Variants in IRAK1BP1 observed in about 807,000 individuals in gnomAD.
IRAK1BP1 encodes the protein interleukin-1 receptor-associated kinase 1-binding protein 1.
Under a neutral mutation model 28.0 loss-of-function variants are expected in IRAK1BP1, and 24 were observed. The ratio of observed to expected loss-of-function variants is 0.86; its 90% CI spans 0.62 to 1.20. IRAK1BP1 has a LOEUF of 1.20. Among genes scored for constraint, IRAK1BP1 ranks in the 50% most tolerant of loss-of-function variants. The probability of loss-of-function intolerance (pLI) is 0.00; values close to 1 mark genes in which losing one functional copy is unlikely to be tolerated. For synonymous variants in IRAK1BP1, 131 were observed against 116.3 expected, an observed-to-expected ratio of 1.13 and a Z score of -0.81; for missense variants, 336 against 316.7, an observed-to-expected ratio of 1.06 and a Z score of -0.46.
At chr6:78,877,099 A>AAGCAGACAGGGACAGTTTGG (rs1483453363) in intron 1 of IRAK1BP1, among the ~76,000 whole-genome samples, 32 of 152,206 alleles carry the variant, frequency 2.1e-4, no homozygotes, top group African/African-American at 7.2e-4. Flanking sequence ...AGGATCAGTG[A>AAGCAGACAGGGACAGTTTGG]AGCAGACAGG....
At chr6:78,917,843 A>G (rs1216200771) in intron 4 of IRAK1BP1, among the ~76,000 whole-genome samples, 1 of 152,168 alleles carries the variant, frequency 6.6e-6, no homozygotes, top group Non-Finnish European at 1.5e-5. Context: ...AGTGAAGGAG[A>G]AATAAAATCT....
At chr6:78,970,075 T>C in the IRAK1BP1 span, 1 of 1,613,596 alleles carries the variant, frequency 6.2e-7, no homozygotes. Context: ...CGCCAGTCAG[T>C]TTACCAGTAT....
intron 4 of IRAK1BP1, chr6:78,935,548 T>C: frequency 3.1e-6 from 3 of 963,102 alleles, no homozygotes; most frequent in Non-Finnish European, 3.7e-6. Context: ...GAAGTATTTA[T>C]CACTCATCAC....
chr6:78,957,077 T>C, the IRAK1BP1 span: 1 of 152,094 alleles, frequency 6.6e-6, no homozygotes, highest in Non-Finnish European at 1.5e-5. Flanking sequence ...AAAAATGCCA[T>C]GGATTTATTT....
At chr6:78,916,839 G>GA (rs1389866154) in intron 4 of IRAK1BP1, among the ~76,000 whole-genome samples, 1 of 152,088 alleles carries the variant, frequency 6.6e-6, no homozygotes, top group Non-Finnish European at 1.5e-5. Context: ...AGCTGCTTGG[G>GA]AGGCTGAGGC....
At chr6:78,925,478 G>A (rs567032549) in intron 4 of IRAK1BP1, among the ~76,000 whole-genome samples, 27 of 152,012 alleles carry the variant, frequency 1.8e-4, no homozygotes, top group Admixed American at 1.8e-3. Context: ...AATCAAAACC[G>A]CAATGAAATA....
chr6:78,976,742 A>G, the IRAK1BP1 span, among the ~76,000 whole-genome samples: 4 of 146,994 alleles, frequency 2.7e-5, no homozygotes, highest in African/African-American at 1.0e-4. Flanking sequence ...TCTCAAAAGA[A>G]GACATTTATG....
chr6:78,873,530 T>A (rs1037292378), intron 1 of IRAK1BP1, among the ~76,000 whole-genome samples: 1 of 151,632 alleles, frequency 6.6e-6, no homozygotes, highest in Non-Finnish European at 1.5e-5. Flanking sequence ...CAGTATGGAG[T>A]AGGGTGATTA....
chr6:78,924,473 A>T (rs565642779), intron 4 of IRAK1BP1, among the ~76,000 whole-genome samples: 11 of 152,352 alleles, frequency 7.2e-5, no homozygotes, highest in Non-Finnish European at 1.6e-4. Context: ...TTCACAGCCG[A>T]ATTCTATCAG....
At chr6:78,882,388 TTAA>T (rs1348543857) in intron 1 of IRAK1BP1, among the ~76,000 whole-genome samples, 1 of 152,072 alleles carries the variant, frequency 6.6e-6, no homozygotes, top group Admixed American at 6.6e-5. Context: ...ATGCTTCCAA[TTAA>T]TAAAGTATGG....
intron 2 of IRAK1BP1, among the ~76,000 whole-genome samples, chr6:78,891,865 C>T (rs988446563): frequency 2.6e-5 from 4 of 152,152 alleles, no homozygotes; most frequent in Non-Finnish European, 5.9e-5. Context: ...CCCCTTCTTT[C>T]CCTCTCCTTT....
At chr6:78,941,324 C>A (rs1338187903) in intron 4 of IRAK1BP1, 2 of 1,612,050 alleles carry the variant, frequency 1.2e-6, no homozygotes. Context: ...GTTGTTCTTA[C>A]AATCTCCTAA....
intron 4 of IRAK1BP1, chr6:78,937,375 GAT>G (rs1203129816): frequency 6.6e-6 from 1 of 151,598 alleles, no homozygotes; most frequent in Non-Finnish European, 1.5e-5. Context: ...TAACATATAA[GAT>G]AAAAATATTT....
intron 1 of IRAK1BP1, among the ~76,000 whole-genome samples, chr6:78,881,186 G>A (rs1771215322): frequency 2.0e-5 from 3 of 152,126 alleles, no homozygotes; most frequent in African/African-American, 7.2e-5. Flanking sequence ...ATATTATTCA[G>A]CAATAAAAAG....
At chr6:78,889,136 AAAG>A (rs1176529607) in intron 2 of IRAK1BP1, among the ~76,000 whole-genome samples, 23 of 65,424 alleles carry the variant, frequency 3.5e-4, no homozygotes, top group Admixed American at 8.7e-4. Flanking sequence ...AAAAAAAAAG[AAAG>A]AAAGAAAGAT....
At chr6:78,881,324 T>C (rs879522257) in intron 1 of IRAK1BP1, among the ~76,000 whole-genome samples, 5 of 152,110 alleles carry the variant, frequency 3.3e-5, no homozygotes, top group Non-Finnish European at 5.9e-5. Context: ...AAAGCAAAAC[T>C]ATGGGGAACG....
At chr6:78,891,347 G>A (rs899100553) in intron 2 of IRAK1BP1, among the ~76,000 whole-genome samples, 10 of 152,170 alleles carry the variant, frequency 6.6e-5, no homozygotes, top group African/African-American at 2.2e-4. Context: ...AATGGTAGGT[G>A]AATGAATGGA....
At chr6:78,903,698 A>G (rs1310210797), downstream of IRAK1BP1, among the ~76,000 whole-genome samples, 6 of 151,602 alleles carry the variant, frequency 4.0e-5, no homozygotes, top group African/African-American at 9.7e-5. Context: ...GTCGCTTACC[A>G]TGTGATAGGC....
the IRAK1BP1 span, chr6:78,963,350 A>G: frequency 1.1e-6 from 1 of 914,610 alleles, no homozygotes. Flanking sequence ...ATTAAAGTAT[A>G]TTTTGTATAG....
Sources: gnomAD v4.1 joint callset for allele counts (sites outside exome capture counted in the v4.1 genomes callset) on GRCh38, gnomAD v4.1.1 for gene constraint, MANE v1.5 for transcripts, NCBI Gene and HGNC (gene_info 2026-07-23, HGNC 2026-07-21) for gene names.